The following EPB41L5 variants were observed in gnomAD, a reference collection of about 807,000 sequenced individuals.
The protein encoded by EPB41L5 is band 4.1-like protein 5.
A neutral mutation model predicts 106.6 loss-of-function variants in EPB41L5; 55 were observed. The observed-to-expected ratio is 0.52, with a 90% CI of 0.42 to 0.65. EPB41L5 has a LOEUF of 0.65. Among genes scored for constraint, EPB41L5 ranks in the 30% least tolerant of loss-of-function variants. The probability of loss-of-function intolerance (pLI) is 0.00; values close to 1 mark genes in which losing one functional copy is unlikely to be tolerated. For synonymous variants in EPB41L5, 297 were observed against 306.7 expected, an observed-to-expected ratio of 0.97 and a Z score of 0.33; for missense variants, 871 against 882.1, an observed-to-expected ratio of 0.99 and a Z score of 0.16.
intron 20 of EPB41L5, 77 bp from the exon 21 acceptor site, chr2:120,160,804 C>A: frequency 9.8e-7 from 1 of 1,022,882 alleles, no homozygotes; most frequent in South Asian, 1.5e-5. Flanking sequence ...GCACTTCTTT[C>A]CTAAGCCCTT....
At chr2:120,039,618 G>C (rs558271151) in intron 2 of EPB41L5, among the ~76,000 whole-genome samples, 3 of 151,998 alleles carry the variant, frequency 2.0e-5, no homozygotes, top group Non-Finnish European at 4.4e-5. Flanking sequence ...CTGAGGTCGG[G>C]AGTTCGAGAC....
intron 3 of EPB41L5, among the ~76,000 whole-genome samples, chr2:120,063,647 G>A (rs542990184): frequency 2.4e-4 from 36 of 151,458 alleles, no homozygotes; most frequent in Non-Finnish European, 4.6e-4. Context: ...TAAAATAAAG[G>A]TTAAAAAAAA....
chr2:120,055,155 G>A (rs1680562224), intron 3 of EPB41L5, among the ~76,000 whole-genome samples: 1 of 150,738 alleles, frequency 6.6e-6, no homozygotes, highest in African/African-American at 2.5e-5. Context: ...GAGCCACCAT[G>A]CCCGGCCTGT....
chr2:120,124,331 C>T (rs1226260881), intron 16 of EPB41L5, among the ~76,000 whole-genome samples: 4 of 152,122 alleles, frequency 2.6e-5, no homozygotes, highest in Non-Finnish European at 5.9e-5. Flanking sequence ...TAACACTTGG[C>T]CCAGGGGAAG....
intron 14 of EPB41L5, 23 bp downstream of exon 14, chr2:120,093,299 G>C (rs1317812286): frequency 1.2e-6 from 2 of 1,604,986 alleles, no homozygotes; most frequent in Non-Finnish European, 1.7e-6. Context: ...TTGCAACTTA[G>C]GAATTGGTAT....
At chr2:120,107,454 G>A (rs1684516156) in intron 16 of EPB41L5, among the ~76,000 whole-genome samples, 1 of 152,018 alleles carries the variant, frequency 6.6e-6, no homozygotes, top group Non-Finnish European at 1.5e-5. Flanking sequence ...ATTTTAATAT[G>A]TGTTATACCA....
At position 120,178,389 on chromosome 2, in the gene EPB41L5, A is replaced by G. The variant is rs988784276; in HGVS notation, c.*3482A>G. On this transcript the variant is annotated 3_prime_UTR_variant, in exon 25 of 25. Transcript: ENST00000263713. ...GCTCTGAGGGTCTTTGTGAGCTCCC[A>G]CTGTTGTGGGTGTCTCAGCTCTGAG... 9 of 149,946 alleles carry G rather than the reference A, an allele frequency of 6.0e-5. No individual in the cohort carries two copies. The highest frequency in any genetic ancestry group is 2.2e-4 in the African/African-American group (9 of 40,372). The allele number at this position is 149,946 out of a possible 1,614,324, so 9.3% of individuals were successfully genotyped here.
At chr2:120,104,016 C>A (rs1452664769) in intron 16 of EPB41L5, 1 of 1,480,260 alleles carries the variant, frequency 6.8e-7, no homozygotes, top group South Asian at 1.4e-5. Context: ...TTCTCCTATT[C>A]CTATTGACTA....
intron 16 of EPB41L5, among the ~76,000 whole-genome samples, chr2:120,119,989 A>T (rs1321627060): frequency 6.6e-6 from 1 of 152,172 alleles, no homozygotes; most frequent in East Asian, 1.9e-4. Context: ...ATCTTTCATA[A>T]TTTTTCCTCT....
chr2:120,170,126 G>A (rs534822266), intron 24 of EPB41L5, among the ~76,000 whole-genome samples: 9 of 152,144 alleles, frequency 5.9e-5, no homozygotes, highest in African/African-American at 1.9e-4. Context: ...CCTTCCAACT[G>A]CACATTAGCA....
chr2:120,053,078 AT>A (rs1680396385), intron 3 of EPB41L5, among the ~76,000 whole-genome samples: 1 of 152,040 alleles, frequency 6.6e-6, no homozygotes, highest in African/African-American at 2.4e-5. Context: ...CTGAGTTATT[AT>A]TTTTTATTTT....
intron 20 of EPB41L5, among the ~76,000 whole-genome samples, chr2:120,159,233 G>A (rs1390033128): frequency 6.6e-6 from 1 of 150,588 alleles, no homozygotes; most frequent in Non-Finnish European, 1.5e-5. Context: ...GATCATCCTG[G>A]CTAACACAGT....
rs188294202 is a variant in EPB41L5, at chr2:120,106,300, C to T, written c.1337+5486C>T. The T allele has an allele frequency of 2.0e-4, 197 of 985,326 alleles. No individual in the cohort carries two copies. In the African/African-American group the frequency reaches 3.2e-3, roughly 16 times the overall value. 61.0% of individuals were successfully genotyped at this position (985,326 alleles called of 1,614,324 possible). Reference sequence around the variant, plus strand: ...AAGGCTGGATGGTAGTAAAATTAAACTTGTCTATTTTATAGAAGTTCCCAT... The same window carrying T: ...AAGGCTGGATGGTAGTAAAATTAAATTTGTCTATTTTATAGAAGTTCCCAT... On this transcript the variant is annotated intron_variant, in intron 16 of 24. Coordinates refer to ENST00000263713, the MANE Select transcript of EPB41L5 (RefSeq NM_020909.4).
At chr2:120,017,494 T>G (rs985630968) in intron 1 of EPB41L5, among the ~76,000 whole-genome samples, 1 of 152,222 alleles carries the variant, frequency 6.6e-6, no homozygotes, top group Non-Finnish European at 1.5e-5. Flanking sequence ...TTAAACTCTC[T>G]TTGTTGTGCA....
intron 20 of EPB41L5, among the ~76,000 whole-genome samples, chr2:120,154,760 G>A (rs929671131): frequency 6.6e-6 from 1 of 151,816 alleles, no homozygotes; most frequent in African/African-American, 2.4e-5. Flanking sequence ...CCCCGTCTCT[G>A]CTAAAAATAC....
At chr2:120,174,298 A>G (rs1687834049) in intron 24 of EPB41L5, among the ~76,000 whole-genome samples, 1 of 152,158 alleles carries the variant, frequency 6.6e-6, no homozygotes, top group Non-Finnish European at 1.5e-5. Context: ...TCTACAGAAA[A>G]ATACAAAAAT....
chr2:120,074,005 G>T, intron 4 of EPB41L5, 95 bp from the exon 5 acceptor site: 3 of 884,096 alleles, frequency 3.4e-6, no homozygotes, highest in South Asian at 1.7e-5. Context: ...CTCATCTTTT[G>T]TCTCACTTCA....
chr2:120,035,163 C>T (rs1227152746), intron 2 of EPB41L5, among the ~76,000 whole-genome samples: 2 of 152,174 alleles, frequency 1.3e-5, no homozygotes, highest in Non-Finnish European at 2.9e-5. Context: ...CCCATGTAAA[C>T]ACCATTTCCC....
At chr2:120,026,543 A>G (rs1354870970) in intron 2 of EPB41L5, among the ~76,000 whole-genome samples, 1 of 151,968 alleles carries the variant, frequency 6.6e-6, no homozygotes, top group East Asian at 1.9e-4. Flanking sequence ...AATTTTTTGT[A>G]TTTTTAGTAG....
Sources: gnomAD v4.1 joint callset for allele counts (sites outside exome capture counted in the v4.1 genomes callset) on GRCh38, gnomAD v4.1.1 for gene constraint, MANE v1.5 for transcripts, NCBI Gene and HGNC (gene_info 2026-07-23, HGNC 2026-07-21) for gene names.